The following MCM3AP variants were observed in gnomAD, a reference collection of about 807,000 sequenced individuals.
The protein encoded by MCM3AP is minichromosome maintenance complex component 3 associated protein.
A neutral mutation model predicts 184.1 loss-of-function variants in MCM3AP; 126 were observed. The ratio of observed to expected loss-of-function variants is 0.68; its 90% confidence interval spans 0.59 to 0.79. MCM3AP has a LOEUF of 0.79. Ranked by LOEUF, MCM3AP falls within the 30% of genes least tolerant of loss-of-function variation. The probability of loss-of-function intolerance (pLI) is 0.00; values close to 1 mark genes in which losing one functional copy is unlikely to be tolerated. For missense variants in MCM3AP, 2,496 were observed against 2,479.2 expected (o/e 1.01, Z -0.14); for synonymous variants, 1,002 against 979.3 (o/e 1.02, Z -0.43).
rs2081208563 is a variant in MCM3AP at position 46,273,333 on chromosome 21, T to G, written c.2196+55A>C. The G allele has an allele frequency of 4.0e-6, 6 of 1,499,326 alleles. No homozygotes were observed. The South Asian group carries it at 5.7e-5, about 14-fold the overall frequency. The allele number at this position is 1,499,326 out of a possible 1,614,324, so 92.9% of individuals were successfully genotyped here. On this transcript the variant is annotated intron_variant, in intron 7 of 27. Coordinates refer to ENST00000291688, the MANE Select transcript of MCM3AP (RefSeq NM_003906.5). ...ATAACAGAGTAATAAAAATATCAGTTTGACTTTGGAATTTGCGTGGATTTT... is the reference window on the plus strand; with the variant it reads ...ATAACAGAGTAATAAAAATATCAGTGTGACTTTGGAATTTGCGTGGATTTT...
intron 20 of MCM3AP, chr21:46,250,285 C>CGGGAAGACGT (rs35829428): frequency 1.3e-5 from 2 of 152,206 alleles, no homozygotes; most frequent in African/African-American, 4.8e-5. Context: ...GTAGCTATCC[C>CGGGAAGACGT]GGGAAGACGT....
intron 22 of MCM3AP, 79 bp downstream of exon 22, chr21:46,246,226 AAT>A: frequency 1.2e-6 from 1 of 841,562 alleles, no homozygotes. Flanking sequence ...TGCAAACGCT[AAT>A]ATACACTCAA....
At chr21:46,239,851 C>A (rs1487406551) in intron 26 of MCM3AP, among the ~76,000 whole-genome samples, 1 of 151,908 alleles carries the variant, frequency 6.6e-6, no homozygotes, top group African/African-American at 2.4e-5. Flanking sequence ...GGAGGGGGAC[C>A]ACGGACATCC....
Position 46,256,923 on chromosome 21 carries a change from C to A in MCM3AP, c.3798G>T (p.Ala1266=). 6.2e-7 allele frequency: 1 copy of A among 1,611,526 alleles called. No individual in the cohort carries two copies. The highest frequency in any genetic ancestry group is 8.5e-7 in the Non-Finnish European group (1 of 1,178,982). Residue 1266 remains alanine (A), a synonymous_variant, in exon 17 of 28, where the codon GCG becomes GCT. Transcript: ENST00000291688. The part of the protein sequence containing the change: ...LRRQMRAFPA[A]PCCVDVSDRL... ...GGTCGCTCACGTCCACGCAGCAGGG[C>A]GCAGCAGGGAAAGCCCGCATTTGGC...
At chr21:46,269,318 T>C (rs1335340756) in intron 9 of MCM3AP, among the ~76,000 whole-genome samples, 1 of 152,032 alleles carries the variant, frequency 6.6e-6, no homozygotes. Context: ...GGCCTCCCTA[T>C]GTTGCCCAGG....
Position 46,257,016 on chromosome 21 carries a change from G to A in MCM3AP, c.3735-30C>T, listed in dbSNP as rs138613682. ...GGACATGAAAATGTATCATCACAGAGTGTTTTCAGGGTCTTCAAACTGAGA... is the reference window on the plus strand; with the variant it reads ...GGACATGAAAATGTATCATCACAGAATGTTTTCAGGGTCTTCAAACTGAGA... On this transcript the variant is annotated intron_variant, in intron 16 of 27. Transcript: ENST00000291688. 1.1e-4 allele frequency: 172 copies of A among 1,591,320 alleles called. No homozygotes were observed. In the East Asian group the frequency reaches 3.8e-3, roughly 35 times the overall value.
intron 17 of MCM3AP, chr21:46,256,411 G>A (rs1333040180): frequency 8.7e-6 from 2 of 229,560 alleles, no homozygotes; most frequent in African/African-American, 4.5e-5. Flanking sequence ...AGAGGGATGG[G>A]GCGGGGATGG....
In MCM3AP at chr21:46,246,680, C is replaced by T; in HGVS notation, c.4497G>A (p.Val1499=). 2.5e-6 allele frequency: 4 copies of T among 1,614,222 alleles called. No homozygotes were observed. The highest frequency in any genetic ancestry group is 3.4e-6 in the Non-Finnish European group (4 of 1,180,020). The part of the protein sequence containing the change: ...AKPFQPALPL[V]VLVPSPGGDA... ...CCCCTCCTGGGCTAGGCACAAGAAC[C>T]ACCAGAGGAAGCGCAGGCTGGAAGG... The change falls in exon 21 of 28, where the codon GTG becomes GTA. Residue 1499 remains valine (V), a synonymous_variant. Transcript: ENST00000291688.
At chr21:46,276,368 G>A (rs927078867) in intron 5 of MCM3AP, among the ~76,000 whole-genome samples, 3 of 151,844 alleles carry the variant, frequency 2.0e-5, no homozygotes, top group Admixed American at 1.3e-4. Context: ...ATTACTATAT[G>A]TTATTATATT....
At chr21:46,238,752 GA>G in intron 26 of MCM3AP, among the ~76,000 whole-genome samples, 2 of 151,006 alleles carry the variant, frequency 1.3e-5, no homozygotes, top group African/African-American at 4.9e-5. Context: ...TTAAATTATA[GA>G]GACTGATTTT....
At position 46,283,873 on chromosome 21, in the gene MCM3AP, G is replaced by A. The variant is rs757037594; in HGVS notation, c.1220-35C>T. On this transcript the variant is annotated intron_variant, in intron 1 of 27. Transcript: ENST00000291688. ...CAGAGAATGGACACTTAAACCATCA[G>A]ATGTTTCCAACAACAGGAGGCACCA... 19 of 1,586,854 alleles carry A rather than the reference G, an allele frequency of 1.2e-5. No homozygotes were observed. In the African/African-American group the frequency reaches 1.3e-4, roughly 11 times the overall value.
chr21:46,270,139 C>A, intron 9 of MCM3AP: 1 of 325,500 alleles, frequency 3.1e-6, no homozygotes, highest in East Asian at 4.8e-5. Flanking sequence ...GTGCTGAATT[C>A]AACCTATGTT....
intron 6 of MCM3AP, among the ~76,000 whole-genome samples, chr21:46,274,805 C>T (rs1280085481): frequency 1.3e-5 from 2 of 151,750 alleles, no homozygotes; most frequent in Non-Finnish European, 2.9e-5. Context: ...CGTGGTGGAG[C>T]ATGCCTGTAA....
chr21:46,242,574 C>A (rs2080686789), intron 25 of MCM3AP: 2 of 358,370 alleles, frequency 5.6e-6, no homozygotes, highest in South Asian at 1.3e-4. Flanking sequence ...GCTGTACTCT[C>A]CTGGTTAGGT....
At chr21:46,279,001 A>AT (rs1160108773) in intron 4 of MCM3AP, among the ~76,000 whole-genome samples, 1 of 152,056 alleles carries the variant, frequency 6.6e-6, no homozygotes, top group African/African-American at 2.4e-5. Context: ...AAAAAAAAAA[A>AT]AAAAAAGTAA....
At chr21:46,260,157 A>C (rs78346401) in intron 15 of MCM3AP, among the ~76,000 whole-genome samples, 1,370 of 127,046 alleles carry the variant, frequency 0.011, 28 homozygotes, top group African/African-American at 0.035. Flanking sequence ...TTTAATACTT[A>C]AACTACAGAC....
In MCM3AP at chr21:46,285,551, G is replaced by T; in HGVS notation, c.-265C>A. 2 of 441,744 alleles carry T rather than the reference G, an allele frequency of 4.5e-6. 1 individual carries two copies. Among genetic ancestry groups the T allele is most frequent in the South Asian group, 6.6e-5 (2 of 30,498 alleles). 27.4% of individuals were successfully genotyped at this position (441,744 alleles called of 1,614,324 possible). ...GATAGGTTATTTTGTTGGAGGGTGG[G>T]GTAGAGAGTGGTACAAATAATTACT... On this transcript the variant is annotated 5_prime_UTR_variant, in exon 1 of 28. Coordinates refer to ENST00000291688, the MANE Select transcript of MCM3AP (RefSeq NM_003906.5).
Position 46,285,151 on chromosome 21 carries a change from A to G in MCM3AP, c.136T>C (p.Ser46Pro). The G allele has an allele frequency of 6.2e-7, 1 of 1,614,200 alleles. No individual in the cohort carries two copies. The highest frequency in any genetic ancestry group is 8.5e-7 in the Non-Finnish European group (1 of 1,180,040). The part of the protein sequence containing the change: ...PSLFGQNSTL[S>P]GKSSGFSQVS... ...TGTGAAAATCCCGAGCTCTTCCCAG[A>G]TAAGGTACTGTTTTGTCCAAAAAGA... is the stretch of plus-strand genomic sequence containing the variant. The change falls in exon 1 of 28, where the codon TCT becomes CCT. Residue 46 changes from serine to proline, a missense_variant. Transcript: ENST00000291688.
At chr21:46,257,788 G>A (rs377584267) in intron 16 of MCM3AP, among the ~76,000 whole-genome samples, 2 of 152,080 alleles carry the variant, frequency 1.3e-5, no homozygotes, top group East Asian at 3.9e-4. Flanking sequence ...AGCCGAGCAT[G>A]GTGGCGCACG....
Sources: gnomAD v4.1 joint callset for allele counts (sites outside exome capture counted in the v4.1 genomes callset) on GRCh38, gnomAD v4.1.1 for gene constraint, MANE v1.5 for transcripts, NCBI Gene and HGNC (gene_info 2026-07-23, HGNC 2026-07-21) for gene names.